NHSL1: variants seen among roughly 807,000 people sequenced by gnomAD.
NHSL1 encodes the protein NHS-like protein 1.
Under a neutral mutation model 95.0 loss-of-function variants are expected in NHSL1, and 48 were observed. The observed-to-expected ratio is 0.51, with a 90% CI of 0.40 to 0.64. The LOEUF (loss-of-function observed/expected upper bound fraction) is 0.64. Among genes scored for constraint, NHSL1 ranks in the 30% least tolerant of loss-of-function variants. NHSL1 has a pLI of 0.00. For synonymous variants in NHSL1, 783 were observed against 833.9 expected, an observed-to-expected ratio of 0.94 and a Z score of 1.05; for missense variants, 1,971 against 2,077.7, an observed-to-expected ratio of 0.95 and a Z score of 1.00.
chr6:138,460,506 A>G (rs1777923875), intron 3 of NHSL1, among the ~76,000 whole-genome samples: 2 of 152,116 alleles, frequency 1.3e-5, no homozygotes, highest in South Asian at 2.1e-4. Flanking sequence ...TAAACAATAC[A>G]GTATAACAAC....
At chr6:138,603,159 T>C (rs112870445) in intron 1 of NHSL1, among the ~76,000 whole-genome samples, 40 of 152,298 alleles carry the variant, frequency 2.6e-4, no homozygotes, top group South Asian at 1.7e-3. Context: ...AAAGAGTATA[T>C]TGAGAGGGGA....
At chr6:138,543,664 C>G (rs943829054) in intron 1 of NHSL1, among the ~76,000 whole-genome samples, 1 of 152,178 alleles carries the variant, frequency 6.6e-6, no homozygotes, top group African/African-American at 2.4e-5. Flanking sequence ...TGAATGAAAG[C>G]CACTTTTCCA....
At chr6:138,434,495 A>T (rs567820801) in intron 5 of NHSL1, among the ~76,000 whole-genome samples, 2 of 152,272 alleles carry the variant, frequency 1.3e-5, no homozygotes, top group African/African-American at 2.4e-5. Flanking sequence ...AAGTGTAAAC[A>T]GTTAGATTTC....
chr6:138,662,215 C>A (rs1460794502), intron 1 of NHSL1, among the ~76,000 whole-genome samples: 2 of 149,502 alleles, frequency 1.3e-5, no homozygotes, highest in Non-Finnish European at 3.0e-5. Context: ...AACAAACAAA[C>A]AAAAAAAGAA....
chr6:138,678,818 T>C (rs1004022944), intron 1 of NHSL1, among the ~76,000 whole-genome samples: 3 of 152,242 alleles, frequency 2.0e-5, no homozygotes, highest in African/African-American at 7.2e-5. Flanking sequence ...AAGTGTTAGC[T>C]ACAAATGTTA....
chr6:138,615,217 C>T (rs992100588), intron 1 of NHSL1, among the ~76,000 whole-genome samples: 2 of 152,200 alleles, frequency 1.3e-5, no homozygotes, highest in Non-Finnish European at 2.9e-5. Flanking sequence ...CCAGCCCACA[C>T]CCTCCAGGAA....
chr6:138,683,090 G>C (rs143701646), intron 1 of NHSL1, among the ~76,000 whole-genome samples: 6 of 152,220 alleles, frequency 3.9e-5, no homozygotes, highest in Non-Finnish European at 8.8e-5. Flanking sequence ...GGGGCGAGAG[G>C]GCTCTGTGAA....
chr6:138,439,537 T>C lies in NHSL1; in HGVS notation c.664+2446A>G, dbSNP rs138884676. Among the ~76,000 whole-genome samples, 1,214 of 152,298 alleles carry C rather than the reference T, an allele frequency of 8.0e-3. 6 individuals are homozygous for C. The highest frequency in any genetic ancestry group is 0.012 in the South Asian group (56 of 4,824). On this transcript the variant is annotated intron_variant, in intron 5 of 7. Transcript: ENST00000343505. ...AGAAGTCCTGAAAGGACAGAACAAA[T>C]AAATATGTAATCCAATATTTTTGCT...
At chr6:138,561,123 T>C (rs914366078) in intron 1 of NHSL1, among the ~76,000 whole-genome samples, 33 of 152,326 alleles carry the variant, frequency 2.2e-4, no homozygotes, top group African/African-American at 7.9e-4. Context: ...TTTATTCTTG[T>C]TCTATACCTT....
intron 1 of NHSL1, among the ~76,000 whole-genome samples, chr6:138,631,794 T>C (rs1784823005): frequency 6.6e-6 from 1 of 152,146 alleles, no homozygotes. Flanking sequence ...CATTCTCAGC[T>C]GTGGTGGCTA....
Position 138,433,359 on chromosome 6 carries a change from C to T in NHSL1, c.986G>A (p.Gly329Glu). Residue 329 changes from glycine to glutamate, a missense_variant, in exon 6 of 8, where the codon GGA becomes GAA. Transcript: ENST00000343505. The stretch of plus-strand genomic sequence containing the variant: ...AAGGGACTGAATGTTTGCCCTTGCT[C>T]CAGAACGCGGAAGACTATGGAAGCC... ...DAGFHSLPRS[G>E]ARANIQSLEP... 6.4e-7 allele frequency: 1 copy of T among 1,552,154 alleles called. No individual in the cohort carries two copies. The highest frequency in any genetic ancestry group is 1.2e-5 in the South Asian group (1 of 84,040).
intron 2 of NHSL1, among the ~76,000 whole-genome samples, chr6:138,484,819 ACTGT>A (rs1562316970): frequency 1.3e-5 from 2 of 152,240 alleles, no homozygotes; most frequent in South Asian, 2.1e-4. Flanking sequence ...CACTGGATAA[ACTGT>A]CTGTTAGCTT....
At position 138,499,474 on chromosome 6, in the gene NHSL1, C is replaced by T. The variant is rs1780557522; in HGVS notation, c.-184G>A. The T allele has an allele frequency of 2.2e-6, 3 of 1,341,322 alleles. No homozygotes were observed. The highest frequency in any genetic ancestry group is 2.9e-6 in the Non-Finnish European group (3 of 1,028,046). The allele number at this position is 1,341,322 out of a possible 1,614,324, so 83.1% of individuals were successfully genotyped here. On this transcript the variant is annotated 5_prime_UTR_variant, in exon 1 of 8. Transcript: ENST00000343505. ...GAGTTTATTGTCAGGCAGTTACAAACCATTAACAGTCCTTGAACCTGAAAA... is the reference window on the plus strand; with the variant it reads ...GAGTTTATTGTCAGGCAGTTACAAATCATTAACAGTCCTTGAACCTGAAAA...
At chr6:138,618,807 C>T (rs908509194) in intron 1 of NHSL1, among the ~76,000 whole-genome samples, 1 of 152,156 alleles carries the variant, frequency 6.6e-6, no homozygotes, top group Non-Finnish European at 1.5e-5. Context: ...CACATCCAGA[C>T]AGCTGAGCAA....
intron 1 of NHSL1, among the ~76,000 whole-genome samples, chr6:138,521,112 C>T (rs181581286): frequency 1.3e-5 from 2 of 152,274 alleles, no homozygotes; most frequent in Non-Finnish European, 2.9e-5. Context: ...ATTGTCTCCA[C>T]CAATTAGCTA....
chr6:138,511,535 C>T (rs1290621268), intron 1 of NHSL1, among the ~76,000 whole-genome samples: 1 of 152,088 alleles, frequency 6.6e-6, no homozygotes, highest in Non-Finnish European at 1.5e-5. Flanking sequence ...GATCTGCCCA[C>T]CACAGCCTCC....
chr6:138,584,479 A>G (rs1035171011), intron 1 of NHSL1, among the ~76,000 whole-genome samples: 6 of 152,212 alleles, frequency 3.9e-5, no homozygotes, highest in Non-Finnish European at 8.8e-5. Flanking sequence ...CCATAAGTAG[A>G]AGGGCTATTT....
chr6:138,424,050 C>T lies in NHSL1; in HGVS notation c.*31G>A, dbSNP rs1349697064. ...GAGTGCTGCATTGCTCGTCTCCCCC[C>T]GTGTCACCTGGGAGAGTTACGTTCT... On this transcript the variant is annotated 3_prime_UTR_variant, in exon 8 of 8. Transcript: ENST00000343505. The surrounding 1 kb of genome is among the most constrained non-coding windows in gnomAD (Gnocchi z 5.9). The T allele has an allele frequency of 2.1e-5, 29 of 1,355,710 alleles. No individual in the cohort carries two copies. The highest frequency in any genetic ancestry group is 2.6e-5 in the Non-Finnish European group (27 of 1,057,004). 84.0% of individuals were successfully genotyped at this position (1,355,710 alleles called of 1,614,324 possible).
chr6:138,634,402 G>A (rs1784861538), intron 1 of NHSL1, among the ~76,000 whole-genome samples: 1 of 152,054 alleles, frequency 6.6e-6, no homozygotes, highest in Non-Finnish European at 1.5e-5. Flanking sequence ...AAAAAGAGCA[G>A]GAGTAGCTAT....
Sources: gnomAD v4.1 joint callset for allele counts (sites outside exome capture counted in the v4.1 genomes callset) on GRCh38, gnomAD v4.1.1 for gene constraint, Gnocchi (gnomAD v3.1) non-coding constraint, MANE v1.5 for transcripts, NCBI Gene and HGNC (gene_info 2026-07-23, HGNC 2026-07-21) for gene names.